ZNF423: variants seen among roughly 807,000 people sequenced by gnomAD.
ZNF423 encodes zinc finger protein 423, also known as Ebf-associated zinc finger protein.
A neutral mutation model predicts 95.8 loss-of-function variants in ZNF423; 12 were observed. The observed-to-expected ratio is 0.13, with a 90% confidence interval of 0.08 to 0.20. The LOEUF (loss-of-function observed/expected upper bound fraction) is 0.20, where lower values mean the gene tolerates loss of function less well. Ranked by LOEUF, ZNF423 falls within the 10% of genes least tolerant of loss-of-function variation. The probability of loss-of-function intolerance (pLI) is 1.00; values close to 1 mark genes in which losing one functional copy is unlikely to be tolerated. For missense variants in ZNF423, 1,316 were observed against 1,737.1 expected (o/e 0.76, Z 4.31); for synonymous variants, 749 against 711.9 (o/e 1.05, Z -0.83).
chr16:49,585,245 C>T (rs1341555069), intron 5 of ZNF423, among the ~76,000 whole-genome samples: 3 of 152,138 alleles, frequency 2.0e-5, no homozygotes, highest in South Asian at 2.1e-4. Flanking sequence ...AATAAAGAGC[C>T]GTGGCTGCCC....
intron 3 of ZNF423, among the ~76,000 whole-genome samples, chr16:49,645,434 G>C (rs1313067467): frequency 6.6e-6 from 1 of 152,224 alleles, no homozygotes; most frequent in Non-Finnish European, 1.5e-5. Context: ...AAAGAAATGA[G>C]TGCTGCAATC....
intron 7 of ZNF423, among the ~76,000 whole-genome samples, chr16:49,507,755 TGTTGCAGAGGCAGCAATG>T (rs1967703806): frequency 4.0e-5 from 6 of 151,510 alleles, no homozygotes; most frequent in Admixed American, 3.9e-4. Context: ...GCCCCTAGAA[TGTTGCAGAGGCAGCAATG>T]GTTGCAGAGG....
chr16:49,522,724 T>G (rs1242167210), intron 7 of ZNF423, among the ~76,000 whole-genome samples: 1 of 152,138 alleles, frequency 6.6e-6, no homozygotes, highest in East Asian at 1.9e-4. Flanking sequence ...GCAGTGTTAC[T>G]CTTTGTGACA....
At chr16:49,504,513 C>T (rs1056258935) in intron 7 of ZNF423, among the ~76,000 whole-genome samples, 9 of 152,114 alleles carry the variant, frequency 5.9e-5, no homozygotes, top group Admixed American at 4.6e-4. Context: ...ACCCAGGAAG[C>T]GGAGGTTGCA....
At chr16:49,575,563 G>C (rs190086142) in intron 5 of ZNF423, among the ~76,000 whole-genome samples, 120 of 152,296 alleles carry the variant, frequency 7.9e-4, no homozygotes, top group African/African-American at 2.6e-3. Context: ...CAGGGAGATA[G>C]GCCCGACTGT....
intron 3 of ZNF423, among the ~76,000 whole-genome samples, chr16:49,706,168 A>G (rs1338650286): frequency 6.6e-6 from 1 of 152,222 alleles, no homozygotes; most frequent in Non-Finnish European, 1.5e-5. Flanking sequence ...ACCCTAGGAA[A>G]AAAAATGAAT....
chr16:49,621,175 C>A (rs536158043), intron 5 of ZNF423, among the ~76,000 whole-genome samples: 60 of 152,254 alleles, frequency 3.9e-4, no homozygotes, highest in African/African-American at 1.3e-3. Flanking sequence ...GTCAACCCGG[C>A]AGGAGGCCAC....
At chr16:49,608,868 C>T (rs1195113255) in intron 5 of ZNF423, among the ~76,000 whole-genome samples, 1 of 152,198 alleles carries the variant, frequency 6.6e-6, no homozygotes, top group Non-Finnish European at 1.5e-5. Context: ...TCTGAGACTG[C>T]CGTGCTGGCA....
chr16:49,597,506 T>A (rs1971219190), intron 5 of ZNF423, among the ~76,000 whole-genome samples: 1 of 152,252 alleles, frequency 6.6e-6, no homozygotes, highest in Admixed American at 6.5e-5. Context: ...GTATACTCTT[T>A]AATTTCACCG....
chr16:49,635,576 G>A lies in ZNF423; in HGVS notation c.3516+84C>T. 2 of 1,471,682 alleles carry A rather than the reference G, an allele frequency of 1.4e-6. No individual in the cohort carries two copies. The highest frequency in any genetic ancestry group is 1.8e-6 in the Non-Finnish European group (2 of 1,108,270). The allele number at this position is 1,471,682 out of a possible 1,614,324, so 91.2% of individuals were successfully genotyped here. A position where few individuals can be genotyped will look rare whatever the true frequency, so the allele number is the denominator to read the frequency against. ...GATAGCGCCGCTTCTTGGAAACACG[G>A]CACTCAGGGTACGTGGCTCCTGTGG... is the stretch of plus-strand genomic sequence containing the variant. On this transcript the variant is annotated intron_variant, in intron 4 of 7. Transcript: ENST00000563137. The surrounding 1 kb of genome is among the most constrained non-coding windows in gnomAD (Gnocchi z 4.8).
chr16:49,840,928 A>G (rs1428762775), intron 1 of ZNF423, among the ~76,000 whole-genome samples: 1 of 152,208 alleles, frequency 6.6e-6, no homozygotes, highest in African/African-American at 2.4e-5. Flanking sequence ...GAGAAGGGCA[A>G]CTGTTTTCTG....
At chr16:49,750,564 G>A (rs947707295) in intron 2 of ZNF423, among the ~76,000 whole-genome samples, 1 of 152,204 alleles carries the variant, frequency 6.6e-6, no homozygotes, top group East Asian at 1.9e-4. Flanking sequence ...GAGAGGCGCA[G>A]GGGCATTTAA....
intron 1 of ZNF423, among the ~76,000 whole-genome samples, chr16:49,803,898 G>C (rs974618176): frequency 3.3e-5 from 5 of 151,438 alleles, no homozygotes; most frequent in Admixed American, 1.3e-4. Context: ...AGCAGACTCA[G>C]GGGTGGGGAA....
intron 7 of ZNF423, among the ~76,000 whole-genome samples, chr16:49,495,300 C>G (rs948651215): frequency 6.6e-6 from 1 of 152,158 alleles, no homozygotes; most frequent in Non-Finnish European, 1.5e-5. Flanking sequence ...GCCTGGCACA[C>G]GGGGCCAGGG....
intron 1 of ZNF423, among the ~76,000 whole-genome samples, chr16:49,837,254 T>C (rs543522235): frequency 6.6e-6 from 1 of 152,264 alleles, no homozygotes; most frequent in South Asian, 2.1e-4. Flanking sequence ...GCAGCCTGCC[T>C]GCCAGCTGGA....
At chr16:49,745,702 G>A (rs975668702) in intron 2 of ZNF423, among the ~76,000 whole-genome samples, 24 of 152,182 alleles carry the variant, frequency 1.6e-4, no homozygotes, top group African/African-American at 5.3e-4. Flanking sequence ...GGAGAGAGGA[G>A]GTGGCAGGGT....
At chr16:49,679,113 T>A (rs146087220) in intron 3 of ZNF423, among the ~76,000 whole-genome samples, 26 of 152,326 alleles carry the variant, frequency 1.7e-4, no homozygotes, top group African/African-American at 6.3e-4. Flanking sequence ...TGAAAAATTG[T>A]TTTTGTTCAG....
intron 2 of ZNF423, among the ~76,000 whole-genome samples, chr16:49,783,989 GA>G (rs1255662123): frequency 6.7e-6 from 1 of 148,984 alleles, no homozygotes; most frequent in Non-Finnish European, 1.5e-5. Flanking sequence ...AAAAAGAAAA[GA>G]AAAAGAAATC....
chr16:49,695,792 T>C (rs977681643), intron 3 of ZNF423, among the ~76,000 whole-genome samples: 3 of 152,112 alleles, frequency 2.0e-5, no homozygotes, highest in African/African-American at 7.2e-5. Flanking sequence ...GCCTGGAGAG[T>C]GTGGACTGGA....
Sources: allele counts gnomAD v4.1 joint callset (sites outside exome capture counted in the v4.1 genomes callset), GRCh38; gene constraint gnomAD v4.1.1; non-coding constraint Gnocchi (gnomAD v3.1); transcripts MANE v1.5; gene names NCBI Gene and HGNC (gene_info 2026-07-23, HGNC 2026-07-21).